Variants in IMPG2 observed in about 807,000 individuals in gnomAD.
IMPG2 encodes the protein IPM 200.
In IMPG2, 91 loss-of-function variants were observed where a neutral mutation model predicts 129.2. The observed-to-expected ratio is 0.70, with a 90% CI of 0.59 to 0.84. The LOEUF is 0.84. Among genes scored for constraint, IMPG2 ranks in the 40% least tolerant of loss-of-function variants. IMPG2 has a pLI of 0.00. For missense variants in IMPG2, 1,430 were observed against 1,461.7 expected (o/e 0.98, Z 0.35); for synonymous variants, 510 against 517.7 (o/e 0.99, Z 0.20).
At chr3:101,230,039 G>A (rs933153011) in intron 16 of IMPG2, among the ~76,000 whole-genome samples, 6 of 152,290 alleles carry the variant, frequency 3.9e-5, no homozygotes, top group Admixed American at 1.3e-4. Flanking sequence ...CATATTTACC[G>A]AGCATTGATC....
At chr3:101,246,208 CAAG>C in intron 11 of IMPG2, 103 bp from the exon 12 acceptor site, 5 of 1,070,236 alleles carry the variant, frequency 4.7e-6, no homozygotes, top group Non-Finnish European at 6.7e-6. Context: ...CTTCTAGGGA[CAAG>C]GAGGCGGTGT....
intron 7 of IMPG2, among the ~76,000 whole-genome samples, chr3:101,272,653 C>T (rs967756028): frequency 1.8e-4 from 28 of 152,162 alleles, no homozygotes; most frequent in Non-Finnish European, 3.1e-4. Context: ...CTTCCACATA[C>T]CATATAGCCT....
chr3:101,246,101 T>A lies in IMPG2; in HGVS notation c.1244A>T (p.Asn415Ile), dbSNP rs1207390788. 1.2e-6 allele frequency: 2 copies of A among 1,613,754 alleles called. No homozygotes were observed. The highest frequency in any genetic ancestry group is 2.7e-5 in the African/African-American group (2 of 74,874). ...LQATPSSILDNTFQAAWPSAD... is the reference protein window; with the variant it reads ...LQATPSSILDITFQAAWPSAD... ...TGAGGGCCATGCAGCTTGAAAGGTA[T>A]TATCCTGGGGGGAAAAAAAGGCTAA... Residue 415 changes from asparagine (N) to isoleucine (I), a missense_variant, in exon 12 of 19, where the codon AAT (asparagine) becomes ATT (isoleucine). Physicochemically the swap from Asn to Ile is moderately radical, Grantham distance 149. Coordinates refer to ENST00000193391, the MANE Select transcript of IMPG2 (RefSeq NM_016247.4).
chr3:101,244,102 T>A lies in IMPG2; in HGVS notation c.2229A>T (p.Leu743=). The A allele has an allele frequency of 6.2e-7, 1 of 1,614,020 alleles. No homozygotes were observed. The highest frequency in any genetic ancestry group is 8.5e-7 in the Non-Finnish European group (1 of 1,179,988). ...TDKSDQADAI[L]REDMEQITES... is the part of the protein sequence containing the mutation. ...CAGTAATTTGTTCCATATCCTCCCT[T>A]AGGATGGCATCTGCCTGATCTGATT... Residue 743 remains leucine, a synonymous_variant, in exon 13 of 19, where the codon CTA becomes CTT. Transcript: ENST00000193391.
intron 2 of IMPG2, among the ~76,000 whole-genome samples, chr3:101,318,205 G>T (rs1349124975): frequency 6.7e-6 from 1 of 148,768 alleles, no homozygotes; most frequent in Non-Finnish European, 1.5e-5. Context: ...TAAAAATCCA[G>T]GTGGTAGAAA....
intron 9 of IMPG2, among the ~76,000 whole-genome samples, chr3:101,258,059 T>A (rs1357518507): frequency 6.6e-6 from 1 of 152,114 alleles, no homozygotes; most frequent in Non-Finnish European, 1.5e-5. Context: ...TCACTTCTCC[T>A]ATCCTCTTTC....
At chr3:101,280,250 G>T (rs908793122) in intron 4 of IMPG2, among the ~76,000 whole-genome samples, 2 of 152,154 alleles carry the variant, frequency 1.3e-5, no homozygotes, top group African/African-American at 4.8e-5. Flanking sequence ...TATATTTAAA[G>T]ACATTGTAAA....
chr3:101,277,807 T>G (rs2107254865), intron 4 of IMPG2, among the ~76,000 whole-genome samples: 1 of 152,340 alleles, frequency 6.6e-6, no homozygotes, highest in Non-Finnish European at 1.5e-5. Flanking sequence ...AAAAGTTAAA[T>G]TACAGTAATC....
At chr3:101,260,921 T>G in intron 9 of IMPG2, among the ~76,000 whole-genome samples, 1 of 152,144 alleles carries the variant, frequency 6.6e-6, no homozygotes, top group East Asian at 1.9e-4. Context: ...ATGGTCAATT[T>G]TGTTCCCTAA....
At chr3:101,307,282 G>A (rs181810429) in intron 2 of IMPG2, among the ~76,000 whole-genome samples, 4 of 152,322 alleles carry the variant, frequency 2.6e-5, no homozygotes, top group Non-Finnish European at 2.9e-5. Flanking sequence ...TGGTAGGAAT[G>A]TATAATAGTA....
At chr3:101,282,523 T>G (rs1024544179) in intron 4 of IMPG2, among the ~76,000 whole-genome samples, 1 of 152,234 alleles carries the variant, frequency 6.6e-6, no homozygotes, top group Non-Finnish European at 1.5e-5. Context: ...TTATACCTAG[T>G]ACAGGCAGTG....
intron 18 of IMPG2, chr3:101,227,677 C>T: frequency 2.5e-6 from 1 of 398,770 alleles, no homozygotes; most frequent in South Asian, 1.8e-5. Flanking sequence ...AGGCAGACGC[C>T]TGGTGATATT....
chr3:101,283,699 C>T lies in IMPG2; in HGVS notation c.534-6986G>A, dbSNP rs74950651. Among the ~76,000 whole-genome samples the T allele has an allele frequency of 0.012, 1,876 of 151,896 alleles. 62 individuals are homozygous for T. The East Asian group carries it at 0.15, about 12-fold the overall frequency. On this transcript the variant is annotated intron_variant, in intron 4 of 18. Transcript: ENST00000193391. ...TTATACATACTGATATACTACATAG[C>T]AAAATACAAAAGAGTGCATGAAGTC...
At chr3:101,304,908 G>A (rs1707173350) in intron 2 of IMPG2, among the ~76,000 whole-genome samples, 1 of 150,182 alleles carries the variant, frequency 6.7e-6, no homozygotes, top group Non-Finnish European at 1.5e-5. Context: ...ACAGGAAGCA[G>A]AAAGTACTAC....
intron 7 of IMPG2, among the ~76,000 whole-genome samples, chr3:101,270,793 C>CA (rs968743333): frequency 6.0e-5 from 9 of 151,128 alleles, no homozygotes; most frequent in South Asian, 2.1e-4. Flanking sequence ...TACTCCGTCT[C>CA]AAAAAAAATA....
intron 11 of IMPG2, among the ~76,000 whole-genome samples, chr3:101,247,792 A>G (rs529882427): frequency 6.6e-6 from 1 of 152,246 alleles, no homozygotes; most frequent in East Asian, 1.9e-4. Context: ...CTGTGTTTCT[A>G]ATGTACTTCT....
intron 8 of IMPG2, 69 bp from the exon 9 acceptor site, chr3:101,267,600 G>C (rs976238325): frequency 1.3e-4 from 162 of 1,276,734 alleles, no homozygotes; most frequent in Non-Finnish European, 1.8e-4. Flanking sequence ...ATTCATCAAA[G>C]TGCAAGTTAT....
rs949173727 is a variant in IMPG2 at position 101,226,094 on chromosome 3, A to C, written c.*875T>G. 1 of 154,290 alleles carries C rather than the reference A, an allele frequency of 6.5e-6. No homozygotes were observed. Among genetic ancestry groups the C allele is most frequent in the African/African-American group, 2.4e-5 (1 of 41,260 alleles). 9.6% of individuals were successfully genotyped at this position (154,290 alleles called of 1,614,324 possible). ...CAAGACATCTTTAGATTTCAGAAGC[A>C]ATCAGGGAACCTCAGTCCAGCAATC... On this transcript the variant is annotated 3_prime_UTR_variant, in exon 19 of 19. Transcript: ENST00000193391.
chr3:101,319,893 C>T lies in IMPG2; in HGVS notation c.86-61G>A, dbSNP rs1001617180. ...GAAGATACAGTACAAAAGGTAACAA[C>T]TAAAGAAAAACTGACACTTGGGCTA... On this transcript the variant is annotated intron_variant, in intron 1 of 18. Coordinates refer to ENST00000193391, the MANE Select transcript of IMPG2 (RefSeq NM_016247.4). The T allele has an allele frequency of 1.1e-5, 17 of 1,562,504 alleles. No individual in the cohort carries two copies. The African/African-American group carries it at 2.2e-4, about 20-fold the overall frequency.
Sources: gnomAD v4.1 joint callset for allele counts (sites outside exome capture counted in the v4.1 genomes callset) on GRCh38, gnomAD v4.1.1 for gene constraint, MANE v1.5 for transcripts, NCBI Gene and HGNC (gene_info 2026-07-23, HGNC 2026-07-21) for gene names.